WDR27: variants seen among roughly 807,000 people sequenced by gnomAD.
WDR27 encodes the protein WD repeat-containing protein 27.
A neutral mutation model predicts 114.4 loss-of-function variants in WDR27; 100 were observed. The ratio of observed to expected loss-of-function variants is 0.87; its 90% CI spans 0.74 to 1.03. The LOEUF (loss-of-function observed/expected upper bound fraction) is 1.03, where lower values mean the gene tolerates loss of function less well. Among genes scored for constraint, WDR27 ranks in the 50% least tolerant of loss-of-function variants. The pLI is 0.00. For missense variants in WDR27, 1,129 were observed against 1,092.9 expected (o/e 1.03, Z -0.47); for synonymous variants, 449 against 423.1 (o/e 1.06, Z -0.75).
At position 169,649,593 on chromosome 6, in the gene WDR27, C is replaced by A. The variant is rs188164264; in HGVS notation, c.1482-318G>T. The stretch of plus-strand genomic sequence containing the variant: ...ACTCAGGGCCACCAATGTCTATCAA[C>A]CCCTCATCCCCCGGGGCTCCCACAC... On this transcript the variant is annotated intron_variant, in intron 14 of 25. Coordinates refer to ENST00000448612, the MANE Select transcript of WDR27 (RefSeq NM_182552.5). Among the ~76,000 whole-genome samples, 38 of 152,102 alleles carry A rather than the reference C, an allele frequency of 2.5e-4. No individual in the cohort carries two copies. The East Asian group carries it at 6.8e-3, about 27-fold the overall frequency.
intron 25 of WDR27, among the ~76,000 whole-genome samples, chr6:169,560,912 A>C (rs1799589790): frequency 6.6e-6 from 1 of 152,168 alleles, no homozygotes. Flanking sequence ...AGAAAATCAA[A>C]GTTCAAAAGG....
At chr6:169,560,541 A>G (rs1369514054) in intron 25 of WDR27, among the ~76,000 whole-genome samples, 1 of 152,224 alleles carries the variant, frequency 6.6e-6, no homozygotes, top group Non-Finnish European at 1.5e-5. Context: ...GAAGGCACCA[A>G]GGTGTCGGGC....
chr6:169,567,298 C>T (rs756963214), intron 25 of WDR27, among the ~76,000 whole-genome samples: 189 of 152,266 alleles, frequency 1.2e-3, no homozygotes, highest in Non-Finnish European at 2.2e-3. Flanking sequence ...TCCAGGTTGG[C>T]GCAGTTACAG....
At chr6:169,651,154 A>G (rs1277721727) in intron 14 of WDR27, among the ~76,000 whole-genome samples, 1 of 79,382 alleles carries the variant, frequency 1.3e-5, no homozygotes, top group Admixed American at 2.0e-4. Flanking sequence ...GTGGCCTGGG[A>G]TTTCTGCCTG....
chr6:169,687,187 T>A (rs537237757), intron 2 of WDR27, among the ~76,000 whole-genome samples: 1 of 152,264 alleles, frequency 6.6e-6, no homozygotes, highest in Admixed American at 6.5e-5. Context: ...GTGATGGCCA[T>A]CCCAATTATC....
chr6:169,604,105 A>C (rs1808620755), intron 22 of WDR27, among the ~76,000 whole-genome samples: 1 of 152,216 alleles, frequency 6.6e-6, no homozygotes, highest in South Asian at 2.1e-4. Context: ...GAAATTTAAA[A>C]GACCAGAGCA....
intron 23 of WDR27, among the ~76,000 whole-genome samples, chr6:169,583,479 GTATATATACATATATATATATA>G (rs1562629952): frequency 3.2e-4 from 4 of 12,684 alleles, no homozygotes; most frequent in East Asian, 6.4e-3. Context: ...GTGTGTGTGT[GTATATATACATATATATATATA>G]TATGTATATA....
At chr6:169,625,806 A>C (rs550057463) in intron 21 of WDR27, among the ~76,000 whole-genome samples, 54 of 152,258 alleles carry the variant, frequency 3.5e-4, no homozygotes, top group African/African-American at 1.2e-3. Context: ...CACGTTCATG[A>C]TGCTGTGACT....
chr6:169,520,079 G>C (rs1162423751), intron 25 of WDR27, among the ~76,000 whole-genome samples: 1 of 152,184 alleles, frequency 6.6e-6, no homozygotes, highest in Non-Finnish European at 1.5e-5. Context: ...AGAGACAAAA[G>C]GGGGAAGTGG....
rs181121189 is a variant in WDR27, at chr6:169,634,524, A to G, written c.2005T>C (p.Tyr669His). The change falls in exon 20 of 26, where the codon TAT (tyrosine) becomes CAT (histidine). Residue 669 changes from tyrosine (Y) to histidine (H), a missense_variant and splice_region_variant. Coordinates refer to ENST00000448612, the MANE Select transcript of WDR27 (RefSeq NM_182552.5). Reference sequence around the variant, plus strand: ...AGCTTGGACTTGCTCTTCTGTTTATATCTGGAAGAGAAAATCAAGATGATC... The same window carrying G: ...AGCTTGGACTTGCTCTTCTGTTTATGTCTGGAAGAGAAAATCAAGATGATC... The part of the protein sequence containing the change: ...IDTCKDEIKR[Y>H]KQKSKSKLIC... 1.4e-5 allele frequency: 23 copies of G among 1,606,358 alleles called. No individual in the cohort carries two copies. The South Asian group carries it at 2.1e-4, about 15-fold the overall frequency.
chr6:169,429,055 T>C, the WDR27 span, among the ~76,000 whole-genome samples: 5 of 152,194 alleles, frequency 3.3e-5, no homozygotes, highest in South Asian at 8.3e-4. Flanking sequence ...TCCCAAGAAA[T>C]GATGGATCTT....
At chr6:169,668,706 CCT>C (rs1466520762) in intron 4 of WDR27, 1 of 153,652 alleles carries the variant, frequency 6.5e-6, no homozygotes, top group African/African-American at 2.4e-5. Flanking sequence ...CAGTCATCGC[CCT>C]GAGAATATCC....
chr6:169,666,303 A>G (rs1345256941), intron 6 of WDR27: 7 of 822,948 alleles, frequency 8.5e-6, no homozygotes, highest in Non-Finnish European at 1.0e-5. Context: ...TAGTCCACAC[A>G]TGGATACATT....
intron 21 of WDR27, among the ~76,000 whole-genome samples, chr6:169,632,389 T>A (rs1451404452): frequency 6.6e-6 from 1 of 152,196 alleles, no homozygotes; most frequent in African/African-American, 2.4e-5. Context: ...GTTTTAGTCC[T>A]AAGAAATACA....
chr6:169,563,997 C>T (rs371357618), intron 25 of WDR27, among the ~76,000 whole-genome samples: 1 of 152,184 alleles, frequency 6.6e-6, no homozygotes, highest in African/African-American at 2.4e-5. Flanking sequence ...TTCACTCACA[C>T]CATCACCAGG....
At chr6:169,548,710 A>G (rs1337728055) in intron 25 of WDR27, among the ~76,000 whole-genome samples, 1 of 152,198 alleles carries the variant, frequency 6.6e-6, no homozygotes, top group African/African-American at 2.4e-5. Flanking sequence ...GACAAACAGA[A>G]CAATGGAACA....
chr6:169,656,313 G>C (rs946961524), intron 13 of WDR27, among the ~76,000 whole-genome samples: 1 of 152,148 alleles, frequency 6.6e-6, no homozygotes, highest in African/African-American at 2.4e-5. Flanking sequence ...AGGAAAAGAG[G>C]TTCTCAATCC....
At chr6:169,480,313 C>T (rs1218267224) in intron 25 of WDR27, among the ~76,000 whole-genome samples, 1 of 152,184 alleles carries the variant, frequency 6.6e-6, no homozygotes, top group Non-Finnish European at 1.5e-5. Context: ...CATGCCCGAG[C>T]CCCACCCCTG....
chr6:169,607,012 A>G (rs1809342469), intron 22 of WDR27, among the ~76,000 whole-genome samples: 1 of 152,198 alleles, frequency 6.6e-6, no homozygotes, highest in Non-Finnish European at 1.5e-5. Flanking sequence ...ATCATCAGAG[A>G]AATGCAAATT....
Sources: allele counts gnomAD v4.1 joint callset (sites outside exome capture counted in the v4.1 genomes callset), GRCh38; gene constraint gnomAD v4.1.1; transcripts MANE v1.5; gene names NCBI Gene and HGNC (gene_info 2026-07-23, HGNC 2026-07-21).